Variants in FAM168B observed in about 807,000 individuals in gnomAD.
FAM168B encodes the protein myelin-associated neurite-outgrowth inhibitor.
Under a neutral mutation model 21.8 loss-of-function variants are expected in FAM168B, and 19 were observed. The observed-to-expected ratio is 0.87, with a 90% CI of 0.61 to 1.28. The LOEUF (loss-of-function observed/expected upper bound fraction) is 1.28. Ranked by LOEUF, FAM168B falls within the 50% of genes most tolerant of loss-of-function variation. The pLI is 0.00. For synonymous variants in FAM168B, 126 were observed against 104.8 expected (o/e 1.20, Z -1.24); for missense variants, 233 against 263.1 (o/e 0.89, Z 0.79).
At chr2:131,069,860 CT>C (rs577329026) in intron 3 of FAM168B, among the ~76,000 whole-genome samples, 1,861 of 138,982 alleles carry the variant, frequency 0.013, 21 homozygotes, top group African/African-American at 0.039. Context: ...CCTCATCAAA[CT>C]TTTTTTTTTT....
At chr2:131,088,250 G>C (rs1246449705) in intron 1 of FAM168B, among the ~76,000 whole-genome samples, 4 of 150,876 alleles carry the variant, frequency 2.7e-5, no homozygotes, top group Non-Finnish European at 1.5e-5. Context: ...TGTCTGGGGG[G>C]AAAAAAAAAT....
chr2:131,067,504 G>A lies in FAM168B; in HGVS notation c.154+4351C>T, dbSNP rs549669253. On this transcript the variant is annotated intron_variant, in intron 3 of 6. Coordinates refer to ENST00000389915, the MANE Select transcript of FAM168B (RefSeq NM_001009993.4). ...TCCTGTAATCCCAACACTTTGAGAG[G>A]TCAAGATGAGAGGACTGCTTGTGCT... is the stretch of plus-strand genomic sequence containing the variant. Among the ~76,000 whole-genome samples the A allele has an allele frequency of 2.6e-5, 4 of 152,298 alleles. No homozygotes were observed. In the South Asian group the frequency reaches 8.3e-4, roughly 32 times the overall value.
At chr2:131,058,338 T>C (rs1692126524) in intron 3 of FAM168B, among the ~76,000 whole-genome samples, 1 of 152,090 alleles carries the variant, frequency 6.6e-6, no homozygotes, top group South Asian at 2.1e-4. Flanking sequence ...AACATCAGCC[T>C]TCTCATACTC....
At chr2:131,078,905 G>A (rs1220476747) in intron 2 of FAM168B, among the ~76,000 whole-genome samples, 1 of 151,466 alleles carries the variant, frequency 6.6e-6, no homozygotes, top group Non-Finnish European at 1.5e-5. Context: ...AGGATCCCTT[G>A]AGTCCAAGGA....
intron 1 of FAM168B, among the ~76,000 whole-genome samples, chr2:131,085,779 C>T (rs781559956): frequency 6.6e-5 from 10 of 152,198 alleles, no homozygotes; most frequent in South Asian, 2.1e-4. Context: ...ACTACAGCTA[C>T]GTGATAGGTC....
chr2:131,084,525 TGTTAA>T (rs899537468), intron 1 of FAM168B, among the ~76,000 whole-genome samples: 6 of 150,230 alleles, frequency 4.0e-5, no homozygotes, highest in Non-Finnish European at 9.0e-5. Context: ...TTCAAAAACT[TGTTAA>T]GTTTTTTTTC....
intron 1 of FAM168B, among the ~76,000 whole-genome samples, chr2:131,090,381 G>A (rs1218468154): frequency 1.3e-5 from 2 of 150,896 alleles, no homozygotes; most frequent in Non-Finnish European, 2.9e-5. Flanking sequence ...TTCCTGGTTT[G>A]GAAACATACC....
Position 131,050,344 on chromosome 2 carries a change from T to C in FAM168B, c.*2121A>G, listed in dbSNP as rs1037930382. The C allele has an allele frequency of 1.4e-5, 14 of 985,470 alleles. No homozygotes were observed. The African/African-American group carries it at 1.7e-4, about 12-fold the overall frequency. The allele number at this position is 985,470 out of a possible 1,614,324, so 61.0% of individuals were successfully genotyped here. On this transcript the variant is annotated 3_prime_UTR_variant, in exon 7 of 7. Transcript: ENST00000389915. ...TTTATCCTAATCTATTAGCACTCAATTGGGAAAAAAGACTTCTCTGCTACT... is the reference window on the plus strand; with the variant it reads ...TTTATCCTAATCTATTAGCACTCAACTGGGAAAAAAGACTTCTCTGCTACT...
chr2:131,052,567 T>C, intron 6 of FAM168B, 115 bp from the exon 7 acceptor site: 1 of 858,570 alleles, frequency 1.2e-6, no homozygotes, highest in Non-Finnish European at 1.5e-6. Flanking sequence ...TGGGCAAAAC[T>C]GCTGGACCTG....
intron 2 of FAM168B, among the ~76,000 whole-genome samples, chr2:131,072,668 A>C (rs1692934348): frequency 6.6e-6 from 1 of 151,934 alleles, no homozygotes; most frequent in Non-Finnish European, 1.5e-5. Flanking sequence ...CATGGTGACC[A>C]GGCTGGTCTC....
intron 1 of FAM168B, among the ~76,000 whole-genome samples, chr2:131,084,965 T>G (rs771188658): frequency 6.6e-6 from 1 of 152,298 alleles, no homozygotes. Flanking sequence ...TCCTCCCGCC[T>G]TGGCCTCCTA....
intron 3 of FAM168B, among the ~76,000 whole-genome samples, chr2:131,066,510 A>G (rs1479331492): frequency 6.6e-6 from 1 of 152,202 alleles, no homozygotes; most frequent in Non-Finnish European, 1.5e-5. Flanking sequence ...TGCTAATGTA[A>G]TAAATATCTA....
chr2:131,091,945 C>A (rs1480116278), intron 1 of FAM168B, among the ~76,000 whole-genome samples: 1 of 148,284 alleles, frequency 6.7e-6, no homozygotes, highest in African/African-American at 2.5e-5. Flanking sequence ...CTGGCTAACA[C>A]GGTGAAACCT....
At chr2:131,076,663 A>AAC (rs1441631481) in intron 2 of FAM168B, among the ~76,000 whole-genome samples, 1 of 151,852 alleles carries the variant, frequency 6.6e-6, no homozygotes, top group African/African-American at 2.4e-5. Context: ...AAAAAAAAAA[A>AAC]AAAAAAAAGA....
rs530215947 is a variant in FAM168B at position 131,089,935 on chromosome 2, G to C, written c.-12+3279C>G. Among the ~76,000 whole-genome samples, 20 of 151,840 alleles carry C rather than the reference G, an allele frequency of 1.3e-4. 1 individual carries two copies. The highest frequency in any genetic ancestry group is 4.8e-4 in the African/African-American group (20 of 41,404). ...TAGTCCCAGCTACTTGGGAGGCCGA[G>C]GCAGGAGAATCACTTGAACCCAGGA... On this transcript the variant is annotated intron_variant, in intron 1 of 6. Transcript: ENST00000389915.
At chr2:131,073,098 C>CT (rs941301377) in intron 2 of FAM168B, among the ~76,000 whole-genome samples, 28 of 149,938 alleles carry the variant, frequency 1.9e-4, no homozygotes, top group South Asian at 6.4e-4. Context: ...TTCTGATGTT[C>CT]TTTTTTTTTT....
At chr2:131,064,299 A>C (rs1334728360) in intron 3 of FAM168B, among the ~76,000 whole-genome samples, 1 of 152,190 alleles carries the variant, frequency 6.6e-6, no homozygotes, top group Non-Finnish European at 1.5e-5. Context: ...TGAGTAAAAA[A>C]AGACATTTAT....
At chr2:131,071,447 A>G (rs1483971446) in intron 3 of FAM168B, among the ~76,000 whole-genome samples, 1 of 152,234 alleles carries the variant, frequency 6.6e-6, no homozygotes, top group African/African-American at 2.4e-5. Context: ...ATATTCATCT[A>G]TACATTACAT....
At chr2:131,069,390 C>A (rs1692739831) in intron 3 of FAM168B, among the ~76,000 whole-genome samples, 1 of 152,156 alleles carries the variant, frequency 6.6e-6, no homozygotes, top group African/African-American at 2.4e-5. Context: ...CAAAAATTAA[C>A]TGCAAATGGG....
Sources: allele counts gnomAD v4.1 joint callset (sites outside exome capture counted in the v4.1 genomes callset), GRCh38; gene constraint gnomAD v4.1.1; transcripts MANE v1.5; gene names NCBI Gene and HGNC (gene_info 2026-07-23, HGNC 2026-07-21).